Variants in KCNAB1 observed in about 807,000 individuals in gnomAD.
KCNAB1 encodes voltage-gated potassium channel subunit beta-1.
Under a neutral mutation model 64.6 loss-of-function variants are expected in KCNAB1, and 35 were observed. The ratio of observed to expected loss-of-function variants is 0.54; its 90% confidence interval spans 0.41 to 0.72. The LOEUF is 0.72. Ranked by LOEUF, KCNAB1 falls within the 30% of genes least tolerant of loss-of-function variation. KCNAB1 has a pLI of 0.00. For missense variants in KCNAB1, 401 were observed against 512.9 expected, an observed-to-expected ratio of 0.78 and a Z score of 2.11; for synonymous variants, 177 against 183.8, an observed-to-expected ratio of 0.96 and a Z score of 0.30.
At chr3:156,491,689 T>TA (rs932630622) in intron 8 of KCNAB1, among the ~76,000 whole-genome samples, 5 of 152,086 alleles carry the variant, frequency 3.3e-5, no homozygotes, top group South Asian at 2.1e-4. Flanking sequence ...CCTATATTCA[T>TA]AAAAAAAATT....
At chr3:156,176,640 T>C in intron 1 of KCNAB1, 1 of 1,028,598 alleles carries the variant, frequency 9.7e-7, no homozygotes, top group Non-Finnish European at 1.6e-6. Context: ...CACAACAATA[T>C]CAGTCGGTCA....
chr3:156,510,445 C>T (rs1717129637), intron 8 of KCNAB1, among the ~76,000 whole-genome samples: 1 of 152,148 alleles, frequency 6.6e-6, no homozygotes, highest in South Asian at 2.1e-4. Context: ...TCTCCCTCTT[C>T]CTTCCCAGCC....
chr3:156,377,111 T>C (rs1008853770), intron 1 of KCNAB1, among the ~76,000 whole-genome samples: 1 of 152,196 alleles, frequency 6.6e-6, no homozygotes, highest in Admixed American at 6.5e-5. Context: ...AGCTGGATCA[T>C]GGACATTAGG....
chr3:156,437,068 T>C (rs1321206629), intron 2 of KCNAB1, among the ~76,000 whole-genome samples: 2 of 152,210 alleles, frequency 1.3e-5, no homozygotes, highest in African/African-American at 4.8e-5. Context: ...CTGTCTTGCA[T>C]ATTTTTTTTA....
chr3:156,441,914 A>G (rs566279302), intron 2 of KCNAB1, among the ~76,000 whole-genome samples: 15 of 152,338 alleles, frequency 9.8e-5, no homozygotes, highest in African/African-American at 3.6e-4. Context: ...TGTGACTTGT[A>G]GAAACTCTTG....
At chr3:156,456,386 C>T (rs1000812925) in intron 3 of KCNAB1, among the ~76,000 whole-genome samples, 1 of 152,134 alleles carries the variant, frequency 6.6e-6, no homozygotes, top group African/African-American at 2.4e-5. Flanking sequence ...AAACATAGGA[C>T]AGTCATAACA....
At chr3:156,291,834 C>T in intron 1 of KCNAB1, 2 of 1,599,108 alleles carry the variant, frequency 1.3e-6, no homozygotes, top group Non-Finnish European at 8.5e-7. Flanking sequence ...CAGAAATCCC[C>T]GCAACTGCTC....
chr3:156,282,883 T>C (rs1178992335), intron 1 of KCNAB1, among the ~76,000 whole-genome samples: 2 of 151,806 alleles, frequency 1.3e-5, no homozygotes, highest in African/African-American at 4.9e-5. Flanking sequence ...ATGGGTTTCC[T>C]GAATACAGCA....
chr3:156,154,028 C>T (rs1423734272), intron 1 of KCNAB1, among the ~76,000 whole-genome samples: 2 of 152,204 alleles, frequency 1.3e-5, no homozygotes, highest in East Asian at 3.8e-4. Flanking sequence ...ACATAGATTT[C>T]TCATTGTACT....
chr3:156,525,782 G>A (rs1718272750), intron 12 of KCNAB1, among the ~76,000 whole-genome samples: 2 of 152,162 alleles, frequency 1.3e-5, no homozygotes, highest in Admixed American at 1.3e-4. Flanking sequence ...CTAAAGTGCT[G>A]GGATTACAGG....
At chr3:156,291,328 C>T in intron 1 of KCNAB1, 1 of 989,558 alleles carries the variant, frequency 1.0e-6, no homozygotes, top group Non-Finnish European at 1.2e-6. Flanking sequence ...AGCTGACAGC[C>T]GGAGTGGATG....
intron 1 of KCNAB1, among the ~76,000 whole-genome samples, chr3:156,242,044 T>A (rs1717188701): frequency 6.6e-6 from 1 of 152,208 alleles, no homozygotes. Flanking sequence ...TTGTTGTTTT[T>A]AAATCTCTGG....
intron 1 of KCNAB1, among the ~76,000 whole-genome samples, chr3:156,213,095 C>T (rs918702180): frequency 6.6e-6 from 1 of 152,152 alleles, no homozygotes; most frequent in African/African-American, 2.4e-5. Flanking sequence ...CCAGTAGGAT[C>T]TGGTGATGGG....
chr3:156,311,158 G>C (rs925749341), intron 1 of KCNAB1, among the ~76,000 whole-genome samples: 1 of 152,102 alleles, frequency 6.6e-6, no homozygotes, highest in East Asian at 1.9e-4. Context: ...TTAAATATGA[G>C]GTCAACATGT....
At chr3:156,500,889 A>C (rs778538534) in intron 8 of KCNAB1, among the ~76,000 whole-genome samples, 1 of 152,220 alleles carries the variant, frequency 6.6e-6, no homozygotes, top group South Asian at 2.1e-4. Flanking sequence ...GGTCAAAACT[A>C]TCTTGACCAC....
At position 156,120,741 on chromosome 3, in the gene KCNAB1, G is replaced by C. The variant is rs999686131; in HGVS notation, c.130G>C (p.Asp44His). ...SPKKASENAK[D>H]SSLSPSGESQ... The stretch of plus-strand genomic sequence containing the variant: ...CAAGAAAGCCTCAGAAAACGCTAAA[G>C]ACAGCAGCCTTAGTCCCTCAGGGGA... Residue 44 changes from aspartate (D) to histidine (H), a missense_variant, in exon 1 of 14, where the codon GAC becomes CAC. Asp to His is a moderately conservative substitution (Grantham distance 81). Transcript: ENST00000490337. The C allele has an allele frequency of 6.2e-7, 1 of 1,614,246 alleles. No individual in the cohort carries two copies. Among genetic ancestry groups the C allele is most frequent in the Non-Finnish European group, 8.5e-7 (1 of 1,180,036 alleles).
chr3:156,220,488 G>C lies in KCNAB1; in HGVS notation c.275+99602G>C, dbSNP rs546591043. ...GACCAGTGATGATGAGCATTTTTTC[G>C]TGTGTCTGTTGGCTGCATAAATGTC... On this transcript the variant is annotated intron_variant, in intron 1 of 13. Transcript: ENST00000490337. 1.3e-4 allele frequency among the ~76,000 whole-genome samples: 20 copies of C among 149,814 alleles called. No individual in the cohort carries two copies. In the South Asian group the frequency reaches 4.3e-3, roughly 32 times the overall value.
chr3:156,444,500 C>T (rs1178758378), intron 2 of KCNAB1, among the ~76,000 whole-genome samples: 1 of 152,178 alleles, frequency 6.6e-6, no homozygotes, highest in Non-Finnish European at 1.5e-5. Flanking sequence ...TGATTATTAC[C>T]ATTACCATCC....
intron 8 of KCNAB1, among the ~76,000 whole-genome samples, chr3:156,495,827 C>A (rs2108358704): frequency 6.6e-6 from 1 of 152,222 alleles, no homozygotes; most frequent in Non-Finnish European, 1.5e-5. Context: ...ATTTTTAATA[C>A]CCCGGAAGGT....
Sources: allele counts gnomAD v4.1 joint callset (sites outside exome capture counted in the v4.1 genomes callset), GRCh38; gene constraint gnomAD v4.1.1; transcripts MANE v1.5; gene names NCBI Gene and HGNC (gene_info 2026-07-23, HGNC 2026-07-21).